PRKG1: variants seen among roughly 807,000 people sequenced by gnomAD.
The protein encoded by PRKG1 is cGMP-dependent protein kinase 1.
PRKG1 carries 35 observed loss-of-function variants against 88.1 expected under a neutral mutation model. The ratio of observed to expected loss-of-function variants is 0.40; its 90% CI spans 0.30 to 0.53. PRKG1 has a LOEUF of 0.53. Ranked by LOEUF, PRKG1 falls within the 20% of genes least tolerant of loss-of-function variation. PRKG1 has a pLI of 0.59. For synonymous variants in PRKG1, 303 were observed against 292.5 expected (o/e 1.04, Z -0.37); for missense variants, 540 against 839.8 (o/e 0.64, Z 4.41).
chr10:51,908,733 A>ATCTATCTATCTATCTATCTATCTATATAT (rs60587885), intron 5 of PRKG1: 1 of 131,662 alleles, frequency 7.6e-6, no homozygotes, highest in African/African-American at 2.9e-5. Flanking sequence ...ATCTATATGT[A>ATCTATCTATCTATCTATCTATCTATATAT]ATTTTTTTTT....
chr10:51,955,220 G>T (rs1220265737), intron 5 of PRKG1, among the ~76,000 whole-genome samples: 1 of 152,102 alleles, frequency 6.6e-6, no homozygotes, highest in Non-Finnish European at 1.5e-5. Context: ...CTAGTGGGAA[G>T]TTGTGTCTAT....
chr10:51,463,909 C>T (rs77915530), intron 2 of PRKG1, among the ~76,000 whole-genome samples: 173 of 152,256 alleles, frequency 1.1e-3, no homozygotes, highest in African/African-American at 4.0e-3. Context: ...CAAATTATGA[C>T]TCCAGGTAAC....
intron 3 of PRKG1, among the ~76,000 whole-genome samples, chr10:51,567,348 T>G (rs1213734302): frequency 6.6e-6 from 1 of 152,056 alleles, no homozygotes; most frequent in Non-Finnish European, 1.5e-5. Flanking sequence ...CCCTGGGACC[T>G]TTCCCTGTCA....
intron 1 of PRKG1, among the ~76,000 whole-genome samples, chr10:51,080,843 G>A (rs1844091834): frequency 6.6e-6 from 1 of 152,102 alleles, no homozygotes; most frequent in South Asian, 2.1e-4. Context: ...GTGTTCCTCA[G>A]CACTTCCTTA....
chr10:52,103,554 A>G (rs1462119664), intron 7 of PRKG1, among the ~76,000 whole-genome samples: 1 of 152,188 alleles, frequency 6.6e-6, no homozygotes, highest in Non-Finnish European at 1.5e-5. Context: ...TTGTAAGAAT[A>G]CAGTATGTGA....
intron 5 of PRKG1, among the ~76,000 whole-genome samples, chr10:51,964,392 T>C (rs1338183427): frequency 6.6e-6 from 1 of 152,218 alleles, no homozygotes; most frequent in Non-Finnish European, 1.5e-5. Flanking sequence ...AATGACAGCA[T>C]TGAATTAAAT....
intron 2 of PRKG1, among the ~76,000 whole-genome samples, chr10:51,409,532 G>A (rs1838017874): frequency 1.3e-5 from 2 of 151,962 alleles, no homozygotes; most frequent in Admixed American, 1.3e-4. Context: ...TTCCACCAAA[G>A]CCCAGTGACA....
At chr10:51,160,568 G>A (rs571717957) in intron 2 of PRKG1, among the ~76,000 whole-genome samples, 2 of 152,264 alleles carry the variant, frequency 1.3e-5, no homozygotes, top group African/African-American at 4.8e-5. Flanking sequence ...TAAGTTTTCT[G>A]ATTGTCTCTC....
chr10:52,124,365 G>T (rs913788905), intron 7 of PRKG1, among the ~76,000 whole-genome samples: 1 of 152,118 alleles, frequency 6.6e-6, no homozygotes, highest in East Asian at 1.9e-4. Context: ...ACTGAATACT[G>T]CAGGCAGTTG....
Position 52,171,785 on chromosome 10 carries a change from A to ATTTTTT in PRKG1, c.1076+9822_1076+9823insTTTTTT, listed in dbSNP as rs1358641112. ...AATAGAAGTATTTTTCTTTTATCAA[A>ATTTTTT]ATTTTTTTTTTTTTTTTTTTTTTTT... On this transcript the variant is annotated intron_variant, in intron 9 of 17. Transcript: ENST00000373980. Among the ~76,000 whole-genome samples the ATTTTTT allele has an allele frequency of 9.5e-3, 1,167 of 122,386 alleles. 78 individuals are homozygous for ATTTTTT. Among genetic ancestry groups the ATTTTTT allele is most frequent in the African/African-American group, 0.039 (1,062 of 27,278 alleles). 80.3% of individuals were successfully genotyped at this position (122,386 alleles called of 152,430 possible).
At chr10:51,897,347 G>A (rs1034756657) in intron 4 of PRKG1, among the ~76,000 whole-genome samples, 5 of 152,100 alleles carry the variant, frequency 3.3e-5, no homozygotes, top group Non-Finnish European at 7.4e-5. Flanking sequence ...ATGCAGAGAT[G>A]ATTTCTTATA....
chr10:51,035,400 T>C (rs1338864409), intron 1 of PRKG1, among the ~76,000 whole-genome samples: 4 of 152,198 alleles, frequency 2.6e-5, no homozygotes, highest in Admixed American at 2.0e-4. Context: ...TCATAATTTG[T>C]TGGTCATAAG....
chr10:51,721,762 G>C (rs953990237), intron 3 of PRKG1, among the ~76,000 whole-genome samples: 14 of 148,776 alleles, frequency 9.4e-5, no homozygotes, highest in Admixed American at 2.7e-4. Flanking sequence ...TCATGTTCCT[G>C]TGTGAAATGG....
chr10:51,346,035 T>C (rs1310460312), intron 2 of PRKG1, among the ~76,000 whole-genome samples: 1 of 152,226 alleles, frequency 6.6e-6, no homozygotes, highest in African/African-American at 2.4e-5. Context: ...CTAGCTGGTA[T>C]TATAAATGGT....
intron 8 of PRKG1, among the ~76,000 whole-genome samples, chr10:52,138,756 G>A (rs1837496706): frequency 6.6e-6 from 1 of 152,080 alleles, no homozygotes; most frequent in South Asian, 2.1e-4. Context: ...GCATGAGATT[G>A]TAGGGCATTG....
At chr10:51,186,736 A>C (rs1033001209) in intron 2 of PRKG1, among the ~76,000 whole-genome samples, 2 of 151,514 alleles carry the variant, frequency 1.3e-5, no homozygotes, top group East Asian at 3.9e-4. Context: ...CTCTTCCATT[A>C]ATTAGCTGTA....
At chr10:51,667,290 C>T (rs1046093393) in intron 3 of PRKG1, among the ~76,000 whole-genome samples, 80 of 152,242 alleles carry the variant, frequency 5.3e-4, no homozygotes, top group African/African-American at 1.9e-3. Flanking sequence ...ATGTCTTCTA[C>T]ATGTCAAATA....
Position 52,266,776 on chromosome 10 carries a change from C to CA in PRKG1, c.1174-4567dup, listed in dbSNP as rs1251383809. On this transcript the variant is annotated intron_variant, in intron 10 of 17. Transcript: ENST00000373980. ...TGAGTAATTTGTCCAAGAGAACAAG[C>CA]AAAAAAACAAAAAAAAAGGTTGAGA... 5.7e-4 allele frequency among the ~76,000 whole-genome samples: 84 copies of CA among 147,782 alleles called. 2 individuals carry two copies. Among genetic ancestry groups the CA allele is most frequent in the Middle Eastern group, 6.8e-3 (2 of 292 alleles).
chr10:51,283,920 A>G (rs1172865615), intron 2 of PRKG1, among the ~76,000 whole-genome samples: 1 of 152,198 alleles, frequency 6.6e-6, no homozygotes, highest in Non-Finnish European at 1.5e-5. Flanking sequence ...GATTTTAAGT[A>G]GTCAATAAAG....
Sources: gnomAD v4.1 joint callset for allele counts (sites outside exome capture counted in the v4.1 genomes callset) on GRCh38, gnomAD v4.1.1 for gene constraint, MANE v1.5 for transcripts, NCBI Gene and HGNC (gene_info 2026-07-23, HGNC 2026-07-21) for gene names.